Variants in DNAH8 observed in about 807,000 individuals in gnomAD.
DNAH8 encodes the protein axonemal beta dynein heavy chain 8.
A neutral mutation model predicts 562.1 loss-of-function variants in DNAH8; 382 were observed. That is an observed-to-expected ratio of 0.68 (90% CI 0.63 to 0.74). The LOEUF (loss-of-function observed/expected upper bound fraction) is 0.74, where lower values mean the gene tolerates loss of function less well. Among genes scored for constraint, DNAH8 ranks in the 30% least tolerant of loss-of-function variants. The pLI is 0.00. For synonymous variants in DNAH8, 1,881 were observed against 1,919.4 expected, an observed-to-expected ratio of 0.98 and a Z score of 0.52; for missense variants, 5,203 against 5,620.4, an observed-to-expected ratio of 0.93 and a Z score of 2.37.
At chr6:38,715,741 T>C (rs1399029681) in intron 1 of DNAH8, among the ~76,000 whole-genome samples, 1 of 147,596 alleles carries the variant, frequency 6.8e-6, no homozygotes, top group African/African-American at 2.5e-5. Flanking sequence ...AGGGGTATAG[T>C]GGACTTCGGA....
intron 57 of DNAH8, among the ~76,000 whole-genome samples, chr6:38,889,993 G>A (rs1206482234): frequency 6.6e-6 from 1 of 152,162 alleles, no homozygotes; most frequent in Middle Eastern, 3.2e-3. Flanking sequence ...CTAAATCAAA[G>A]ACATTCTGAG....
intron 68 of DNAH8, among the ~76,000 whole-genome samples, chr6:38,916,780 A>G (rs1179522419): frequency 6.6e-6 from 1 of 152,216 alleles, no homozygotes; most frequent in African/African-American, 2.4e-5. Flanking sequence ...AAATGTTTTT[A>G]TGAGCCATAT....
intron 85 of DNAH8, among the ~76,000 whole-genome samples, chr6:38,975,080 G>A (rs984999403): frequency 6.6e-6 from 1 of 152,186 alleles, no homozygotes; most frequent in African/African-American, 2.4e-5. Context: ...AGTAAAAGTG[G>A]TGGTGATGTT....
At chr6:38,826,506 C>T (rs1773334730) in intron 29 of DNAH8, 115 bp downstream of exon 29, 1 of 697,752 alleles carries the variant, frequency 1.4e-6, no homozygotes, top group South Asian at 2.0e-5. Context: ...GCACAGTCTG[C>T]CTATTTCTCG....
chr6:38,896,257 C>A, intron 60 of DNAH8, 32 bp downstream of exon 60: 1 of 1,549,484 alleles, frequency 6.5e-7, no homozygotes, highest in Non-Finnish European at 8.9e-7. Context: ...AAGAGGTTTT[C>A]AGATTGCTCA....
At chr6:38,772,028 TC>T (rs1767620557) in intron 12 of DNAH8, among the ~76,000 whole-genome samples, 1 of 132,872 alleles carries the variant, frequency 7.5e-6, no homozygotes, top group African/African-American at 2.9e-5. Context: ...GTTTATGATT[TC>T]TTTTTTTTTT....
chr6:38,734,340 A>AT, intron 4 of DNAH8, 134 bp from the exon 5 acceptor site: 1 of 782,526 alleles, frequency 1.3e-6, no homozygotes, highest in Non-Finnish European at 1.7e-6. Context: ...CCCCCCAAAA[A>AT]AATTATTCTA....
At chr6:38,953,036 C>T (rs1200717042) in intron 82 of DNAH8, 1 of 152,242 alleles carries the variant, frequency 6.6e-6, no homozygotes, top group Non-Finnish European at 1.5e-5. Context: ...TTTTTTCTCT[C>T]TTAACACTTA....
chr6:39,002,055 G>A (rs1463163342), intron 88 of DNAH8, among the ~76,000 whole-genome samples: 2 of 152,190 alleles, frequency 1.3e-5, no homozygotes, highest in Non-Finnish European at 2.9e-5. Flanking sequence ...GGGGCAAGGA[G>A]CAGTCCAGGA....
chr6:38,860,933 A>C lies in DNAH8; in HGVS notation c.6131+304A>C, dbSNP rs140496273. 5.9e-5 allele frequency among the ~76,000 whole-genome samples: 9 copies of C among 152,348 alleles called. No individual in the cohort carries two copies. The East Asian group carries it at 1.7e-3, about 29-fold the overall frequency. ...AATCCCAAAAGAAGTTAAAATTGCAAAGAAGGAAGGTCCCTTGGAGATCAT... is the reference window on the plus strand; with the variant it reads ...AATCCCAAAAGAAGTTAAAATTGCACAGAAGGAAGGTCCCTTGGAGATCAT... On this transcript the variant is annotated intron_variant, in intron 43 of 92. Transcript: ENST00000327475.
intron 38 of DNAH8, among the ~76,000 whole-genome samples, 156 bp from the exon 39 acceptor site, chr6:38,851,416 T>C (rs1168592242): frequency 6.6e-6 from 1 of 152,232 alleles, no homozygotes; most frequent in African/African-American, 2.4e-5. Context: ...AGCATGGACT[T>C]TGGTTTTCAC....
At position 38,802,676 on chromosome 6, in the gene DNAH8, A is replaced by G. The variant is rs552784853; in HGVS notation, c.2902-503A>G. Among the ~76,000 whole-genome samples the G allele has an allele frequency of 1.0e-3, 154 of 152,342 alleles. 1 individual carries two copies. Among genetic ancestry groups the G allele is most frequent in the African/African-American group, 3.4e-3 (141 of 41,576 alleles). The stretch of plus-strand genomic sequence containing the variant: ...TCTCTGCTGTGAAATGGGGACCATA[A>G]TATTACTCACCCCATTACTCATCCC... On this transcript the variant is annotated intron_variant, in intron 21 of 92. Transcript: ENST00000327475.
At chr6:38,905,473 C>A (rs1266109265) in intron 62 of DNAH8, among the ~76,000 whole-genome samples, 1 of 152,136 alleles carries the variant, frequency 6.6e-6, no homozygotes, top group African/African-American at 2.4e-5. Context: ...TTGTATCTAG[C>A]CACTTAATGA....
At chr6:39,016,326 C>T (rs1280489267) in intron 91 of DNAH8, among the ~76,000 whole-genome samples, 7 of 151,942 alleles carry the variant, frequency 4.6e-5, no homozygotes, top group Admixed American at 1.3e-4. Context: ...CCGAGGCGGG[C>T]GGATCACGAG....
In DNAH8 at chr6:38,936,609, T is replaced by C. The variant is rs143062785; in HGVS notation, c.11563+912T>C. 1.4e-3 allele frequency among the ~76,000 whole-genome samples: 220 copies of C among 152,290 alleles called. 1 individual carries two copies. The highest frequency in any genetic ancestry group is 5.1e-3 in the African/African-American group (211 of 41,554). ...GTGAGCTTAGTGAAAAGTCCTTTTA[T>C]CTGCCTACTCGCACTGCTCCCGCTA... On this transcript the variant is annotated intron_variant, in intron 77 of 92. Transcript: ENST00000327475.
chr6:38,934,355 AAAAACAAAAC>A (rs780054119), intron 76 of DNAH8, among the ~76,000 whole-genome samples: 1 of 152,156 alleles, frequency 6.6e-6, no homozygotes, highest in Admixed American at 6.5e-5. Flanking sequence ...TCCATCTCAA[AAAAACAAAAC>A]AAAACAAAAC....
Position 39,012,654 on chromosome 6 carries a change from G to A in DNAH8, c.13714+17G>A. 1 of 1,597,542 alleles carries A rather than the reference G, an allele frequency of 6.3e-7. No homozygotes were observed. Among genetic ancestry groups the A allele is most frequent in the Non-Finnish European group, 8.6e-7 (1 of 1,165,314 alleles). On this transcript the variant is annotated intron_variant, in intron 91 of 92. Transcript: ENST00000327475. ...ATCCCCAAGGTATGTGCTCATAGGA[G>A]ATTTGGCAAGCTTGGAATTTGTGTA...
At position 38,862,552 on chromosome 6, in the gene DNAH8, CAT is replaced by C; in HGVS notation, c.6310+98_6310+99del. 5.0e-6 allele frequency: 7 copies of C among 1,400,176 alleles called. No individual in the cohort carries two copies. In the South Asian group the frequency reaches 9.9e-5, roughly 20 times the overall value. 86.7% of individuals were successfully genotyped at this position (1,400,176 alleles called of 1,614,324 possible). ...ATATAAATCCAAAGTGACGTGATCTCATATAATCTACATTAGTATGGGTTGAT... is the reference window on the plus strand; with the variant it reads ...ATATAAATCCAAAGTGACGTGATCTCATAATCTACATTAGTATGGGTTGAT... On this transcript the variant is annotated intron_variant, in intron 44 of 92. Coordinates refer to ENST00000327475, the MANE Select transcript of DNAH8 (RefSeq NM_001206927.2).
chr6:38,835,561 A>G (rs752456091), intron 32 of DNAH8, among the ~76,000 whole-genome samples: 23 of 152,204 alleles, frequency 1.5e-4, no homozygotes, highest in Non-Finnish European at 3.4e-4. Context: ...TGCATCTTGA[A>G]GGACTAATTA....
Sources: allele counts gnomAD v4.1 joint callset (sites outside exome capture counted in the v4.1 genomes callset), GRCh38; gene constraint gnomAD v4.1.1; transcripts MANE v1.5; gene names NCBI Gene and HGNC (gene_info 2026-07-23, HGNC 2026-07-21).